The following PRKN variants were observed in gnomAD, a reference collection of about 807,000 sequenced individuals.
The protein encoded by PRKN is parkin RBR E3 ubiquitin protein ligase.
PRKN carries 56 observed loss-of-function variants against 59.5 expected under a neutral mutation model. The ratio of observed to expected loss-of-function variants is 0.94; its 90% CI spans 0.76 to 1.18. PRKN has a LOEUF of 1.18. PRKN is among the 50% of genes most tolerant of loss of function. The pLI is 0.00. For missense variants in PRKN, 657 were observed against 596.4 expected, an observed-to-expected ratio of 1.10 and a Z score of -1.06; for synonymous variants, 250 against 222.1, an observed-to-expected ratio of 1.13 and a Z score of -1.12.
chr6:162,197,103 T>C (rs372934927), intron 4 of PRKN, among the ~76,000 whole-genome samples: 3 of 152,146 alleles, frequency 2.0e-5, no homozygotes, highest in East Asian at 3.9e-4. Context: ...AGATCCTATA[T>C]TGTATTTTTG....
chr6:161,420,848 G>A (rs1788071754), intron 9 of PRKN, among the ~76,000 whole-genome samples: 1 of 152,070 alleles, frequency 6.6e-6, no homozygotes, highest in South Asian at 2.1e-4. Context: ...ACATGTCCAA[G>A]GTCACATAGC....
intron 3 of PRKN, among the ~76,000 whole-genome samples, chr6:162,251,813 C>T (rs1779448011): frequency 6.6e-6 from 1 of 152,166 alleles, no homozygotes; most frequent in Non-Finnish European, 1.5e-5. Context: ...AAATAATATT[C>T]TCAACATCAT....
chr6:161,497,677 C>T lies in PRKN; in HGVS notation c.1083+51177G>A, dbSNP rs1041098698. On this transcript the variant is annotated intron_variant, in intron 9 of 11. Transcript: ENST00000366898. The surrounding 1 kb of genome is among the most constrained non-coding windows in gnomAD (Gnocchi z 4.6). ...CTTCTCGCTCCTTTCCCTTTCAATT[C>T]AGAAGGCTAACTCTAGCTCAATTAT... 2.0e-5 allele frequency among the ~76,000 whole-genome samples: 3 copies of T among 152,046 alleles called. No homozygotes were observed. The highest frequency in any genetic ancestry group is 1.3e-4 in the Admixed American group (2 of 15,270).
chr6:162,410,494 C>A (rs763898091), intron 2 of PRKN, among the ~76,000 whole-genome samples: 1 of 152,184 alleles, frequency 6.6e-6, no homozygotes, highest in Non-Finnish European at 1.5e-5. Flanking sequence ...TTTCCAATTT[C>A]GCTCGACTGA....
intron 6 of PRKN, among the ~76,000 whole-genome samples, chr6:161,873,696 A>C (rs571618553): frequency 6.6e-6 from 1 of 151,980 alleles, no homozygotes; most frequent in Non-Finnish European, 1.5e-5. Flanking sequence ...CACTGTGATA[A>C]GCATTTGACT....
rs898611776 is a variant in PRKN at position 161,471,290 on chromosome 6, G to C, written c.1083+77564C>G. Among the ~76,000 whole-genome samples the C allele has an allele frequency of 3.3e-5, 5 of 152,206 alleles. No individual in the cohort carries two copies. The highest frequency in any genetic ancestry group is 1.2e-4 in the African/African-American group (5 of 41,446). On this transcript the variant is annotated intron_variant, in intron 9 of 11. Transcript: ENST00000366898. The surrounding 1 kb of genome is among the most constrained non-coding windows in gnomAD (Gnocchi z 4.5). ...CATTAGCAGAGTCTGCAATGTCTGA[G>C]TTTTGGGGTTATGGGGATGTTGTTT...
chr6:162,561,779 C>T (rs796621805), intron 1 of PRKN, among the ~76,000 whole-genome samples: 10 of 152,230 alleles, frequency 6.6e-5, no homozygotes, highest in African/African-American at 1.9e-4. Context: ...TCCCTGTGGT[C>T]GGAACTTGAG....
At chr6:162,277,452 A>G (rs1780682960) in intron 2 of PRKN, among the ~76,000 whole-genome samples, 1 of 152,166 alleles carries the variant, frequency 6.6e-6, no homozygotes, top group Admixed American at 6.5e-5. Flanking sequence ...GAAGGTGCAA[A>G]TTAGGTGTGT....
rs1450194626 is a variant in PRKN, at chr6:161,547,417, GA to G, written c.1083+1436del. Reference sequence around the variant, plus strand: ...TAATTTACTTGTATAAAAAAGGGAAGATAAAGATATTCAAGATTTCACATTA... The same window carrying G: ...TAATTTACTTGTATAAAAAAGGGAAGTAAAGATATTCAAGATTTCACATTA... On this transcript the variant is annotated intron_variant, in intron 9 of 11. Transcript: ENST00000366898. The surrounding 1 kb of genome is among the most constrained non-coding windows in gnomAD (Gnocchi z 4.0). 6.6e-6 allele frequency among the ~76,000 whole-genome samples: 1 copy of G among 152,182 alleles called. No homozygotes were observed. Among genetic ancestry groups the G allele is most frequent in the Non-Finnish European group, 1.5e-5 (1 of 68,026 alleles).
chr6:162,182,692 C>T (rs1021388471), intron 4 of PRKN, among the ~76,000 whole-genome samples: 2 of 152,212 alleles, frequency 1.3e-5, no homozygotes, highest in African/African-American at 2.4e-5. Flanking sequence ...TGTGGGCATA[C>T]CTCATTTTAT....
chr6:161,973,301 C>T lies in PRKN; in HGVS notation c.734+1G>A, dbSNP rs1562430103. 1 of 1,598,554 alleles carries T rather than the reference C, an allele frequency of 6.3e-7. No individual in the cohort carries two copies. Among genetic ancestry groups the T allele is most frequent in the Non-Finnish European group, 8.6e-7 (1 of 1,165,818 alleles). Reference sequence around the variant, plus strand: ...AAGTGACACTATTTTTAGATCCTTACCTGACGTCTGTGCACGTAATGCAAG... The same window carrying T: ...AAGTGACACTATTTTTAGATCCTTATCTGACGTCTGTGCACGTAATGCAAG... On this transcript the variant is annotated splice_donor_variant, in intron 6 of 11. Coordinates refer to ENST00000366898, the MANE Select transcript of PRKN (RefSeq NM_004562.3). LOFTEE classifies it high-confidence loss of function.
intron 2 of PRKN, among the ~76,000 whole-genome samples, chr6:162,277,047 T>G (rs1332477972): frequency 6.6e-6 from 1 of 151,694 alleles, no homozygotes; most frequent in Non-Finnish European, 1.5e-5. Flanking sequence ...TAAGAAAGAG[T>G]TCTTCCATAC....
intron 4 of PRKN, among the ~76,000 whole-genome samples, chr6:162,061,686 TGCAATCATTAAATAGTAACCA>T (rs1249782074): frequency 1.3e-5 from 2 of 152,148 alleles, no homozygotes; most frequent in Non-Finnish European, 2.9e-5. Context: ...GCATAATAAA[TGCAATCATTAAATAGTAACCA>T]GGAAAAAGAA....
intron 3 of PRKN, among the ~76,000 whole-genome samples, chr6:162,249,558 T>C (rs1779339890): frequency 1.3e-5 from 2 of 152,104 alleles, no homozygotes; most frequent in South Asian, 2.1e-4. Context: ...ATATATACAG[T>C]GCAGGCAAAA....
At chr6:161,747,927 A>G (rs1158470527) in intron 7 of PRKN, among the ~76,000 whole-genome samples, 2 of 152,328 alleles carry the variant, frequency 1.3e-5, no homozygotes, top group African/African-American at 4.8e-5. Context: ...TTTAACTACT[A>G]TAAGGAGAAA....
chr6:162,654,839 G>A (rs1286543976), intron 1 of PRKN, among the ~76,000 whole-genome samples: 1 of 62,380 alleles, frequency 1.6e-5, no homozygotes. Flanking sequence ...GAAGTGCAGA[G>A]TGAAGTGGGG....
rs74729432 is a variant in PRKN at position 161,499,810 on chromosome 6, T to C, written c.1083+49044A>G. On this transcript the variant is annotated intron_variant, in intron 9 of 11. Coordinates refer to ENST00000366898, the MANE Select transcript of PRKN (RefSeq NM_004562.3). This position sits in a 1 kb window ranked among gnomAD's most constrained non-coding sequence, Gnocchi z 4.2. ...TGGGTAAAGAATTTTTATTCTCTTC[T>C]AGCTTTGAAAGACCCTTCAGAAGGT... 1.7e-3 allele frequency among the ~76,000 whole-genome samples: 259 copies of C among 152,340 alleles called. 1 individual carries two copies. Among genetic ancestry groups the C allele is most frequent in the African/African-American group, 5.9e-3 (246 of 41,578 alleles).
In PRKN at chr6:161,592,015, T is replaced by C. The variant is rs949936506; in HGVS notation, c.872-22599A>G. Among the ~76,000 whole-genome samples the C allele has an allele frequency of 4.6e-5, 7 of 152,168 alleles. No homozygotes were observed. The highest frequency in any genetic ancestry group is 1.7e-4 in the African/African-American group (7 of 41,432). The stretch of plus-strand genomic sequence containing the variant: ...AAGTCTCTGATATACAATGATGTAG[T>C]ATTTCTATATAACCTATGCACATCC... On this transcript the variant is annotated intron_variant, in intron 7 of 11. Coordinates refer to ENST00000366898, the MANE Select transcript of PRKN (RefSeq NM_004562.3). This position sits in a 1 kb window ranked among gnomAD's most constrained non-coding sequence, Gnocchi z 4.8.
chr6:162,443,235 G>A, intron 2 of PRKN, 75 bp downstream of exon 2: 1 of 1,462,862 alleles, frequency 6.8e-7, no homozygotes, highest in Admixed American at 1.7e-5. Flanking sequence ...AGGCATGAAT[G>A]TCAGATTGGC....
Sources: gnomAD v4.1 joint callset for allele counts (sites outside exome capture counted in the v4.1 genomes callset) on GRCh38, gnomAD v4.1.1 for gene constraint, Gnocchi (gnomAD v3.1) non-coding constraint, MANE v1.5 for transcripts, NCBI Gene and HGNC (gene_info 2026-07-23, HGNC 2026-07-21) for gene names.